Variants in PAH observed in about 807,000 individuals in gnomAD.
PAH encodes the protein phenylalanine-4-hydroxylase.
A neutral mutation model predicts 62.0 loss-of-function variants in PAH; 64 were observed. The observed-to-expected ratio is 1.03, with a 90% CI of 0.84 to 1.27. The LOEUF is 1.27. Among genes scored for constraint, PAH ranks in the 50% most tolerant of loss-of-function variants. The probability of loss-of-function intolerance (pLI) is 0.00; values close to 1 mark genes in which losing one functional copy is unlikely to be tolerated. For synonymous variants in PAH, 195 were observed against 196.2 expected, an observed-to-expected ratio of 0.99 and a Z score of 0.05; for missense variants, 579 against 542.8, an observed-to-expected ratio of 1.07 and a Z score of -0.66.
chr12:102,949,952 T>A (rs1879675266), intron 1 of PAH, among the ~76,000 whole-genome samples: 1 of 152,362 alleles, frequency 6.6e-6, no homozygotes, highest in East Asian at 1.9e-4. Flanking sequence ...GTTTCATAGT[T>A]ATTTGATGAA....
rs199475650 is a variant in PAH at position 102,846,924 on chromosome 12, G to T, written c.940C>A (p.Pro314Thr). The change falls in exon 9 of 13, where the codon CCT becomes ACT. Residue 314 changes from proline (P) to threonine (T), a missense_variant. Pro to Thr is a conservative substitution (Grantham distance 38, BLOSUM62 -1). Transcript: ENST00000553106. ...GCGAGCTTTTCAATGTATTCATCAG[G>T]TGCACCCAGAGAGGCAAGGCCAATT... ...QEIGLASLGA[P>T]DEYIEKLATI... 3.7e-6 allele frequency: 6 copies of T among 1,613,708 alleles called. No individual in the cohort carries two copies. In the East Asian group the frequency reaches 1.3e-4, roughly 36 times the overall value.
intron 9 of PAH, among the ~76,000 whole-genome samples, chr12:102,844,817 T>A (rs1874764732): frequency 6.6e-6 from 1 of 152,164 alleles, no homozygotes; most frequent in Admixed American, 6.5e-5. Flanking sequence ...AGGCCTTTGG[T>A]CTCAGACTGA....
chr12:102,909,074 C>T (rs1878099378), intron 2 of PAH, among the ~76,000 whole-genome samples: 2 of 152,160 alleles, frequency 1.3e-5, no homozygotes, highest in South Asian at 2.1e-4. Flanking sequence ...GTGATACTCC[C>T]GCCTCAGCCT....
At chr12:102,842,745 A>T (rs1874646566) in intron 11 of PAH, among the ~76,000 whole-genome samples, 4 of 152,072 alleles carry the variant, frequency 2.6e-5, no homozygotes, top group Non-Finnish European at 5.9e-5. Context: ...TTCTTTGAGA[A>T]GTCATTTATT....
At chr12:102,895,554 A>G (rs867772326) in intron 2 of PAH, among the ~76,000 whole-genome samples, 2 of 152,064 alleles carry the variant, frequency 1.3e-5, no homozygotes, top group African/African-American at 4.8e-5. Flanking sequence ...TACCACTAAT[A>G]TATTTATATA....
At chr12:102,882,952 T>G (rs370005303) in intron 3 of PAH, among the ~76,000 whole-genome samples, 1 of 151,926 alleles carries the variant, frequency 6.6e-6, no homozygotes, top group Non-Finnish European at 1.5e-5. Flanking sequence ...AAGATTTTAA[T>G]GATGATGATT....
chr12:102,851,986 G>A (rs1332481145), intron 7 of PAH: 3 of 527,702 alleles, frequency 5.7e-6, no homozygotes, highest in East Asian at 3.4e-5. Context: ...GTAGGGCACA[G>A]CAGCCAAGGG....
chr12:102,897,280 A>C (rs768249604), intron 2 of PAH, among the ~76,000 whole-genome samples: 3 of 149,084 alleles, frequency 2.0e-5, no homozygotes, highest in Non-Finnish European at 4.5e-5. Context: ...ACAGCAAATA[A>C]CTCATTGTTC....
chr12:102,871,885 G>GCAC (rs1437180158), intron 4 of PAH, among the ~76,000 whole-genome samples: 1 of 143,546 alleles, frequency 7.0e-6, no homozygotes, highest in African/African-American at 2.7e-5. Flanking sequence ...TCATGCCATT[G>GCAC]CACTCCAGCC....
chr12:102,877,330 T>C, intron 4 of PAH, 132 bp downstream of exon 4: 1 of 785,630 alleles, frequency 1.3e-6, no homozygotes, highest in Non-Finnish European at 2.3e-6. Context: ...AGCCCTCGTG[T>C]AAATAGGAAC....
At position 102,843,710 on chromosome 12, in the gene PAH, C is replaced by G. The variant is rs772630527; in HGVS notation, c.1135G>C (p.Val379Leu). 3.1e-6 allele frequency: 5 copies of G among 1,613,704 alleles called. No individual in the cohort carries two copies. The highest frequency in any genetic ancestry group is 4.2e-6 in the Non-Finnish European group (5 of 1,179,714). The change falls in exon 11 of 13, where the codon GTC becomes CTC. Residue 379 changes from valine to leucine, a missense_variant. By Grantham distance (32) the Val-to-Leu change is conservative. Transcript: ENST00000553106. ...TAATAGAGGGGCTGGAACTCCGTGACAGTGTAATTTTGGATGGCTGTCTTC... is the reference window on the plus strand; with the variant it reads ...TAATAGAGGGGCTGGAACTCCGTGAGAGTGTAATTTTGGATGGCTGTCTTC... ...LEKTAIQNYT[V>L]TEFQPLYYVA...
intron 1 of PAH, among the ~76,000 whole-genome samples, chr12:102,937,942 A>G (rs1001119875): frequency 6.6e-6 from 1 of 152,230 alleles, no homozygotes; most frequent in Non-Finnish European, 1.5e-5. Flanking sequence ...GGCTGGATAT[A>G]CTACTCTAGG....
At chr12:102,928,169 G>A (rs564671878) in intron 1 of PAH, among the ~76,000 whole-genome samples, 1 of 152,248 alleles carries the variant, frequency 6.6e-6, no homozygotes, top group South Asian at 2.1e-4. Flanking sequence ...TTTAATATAT[G>A]TGGGTACATA....
At chr12:102,887,438 G>A (rs2136692220) in intron 3 of PAH, among the ~76,000 whole-genome samples, 1 of 152,154 alleles carries the variant, frequency 6.6e-6, no homozygotes, top group Non-Finnish European at 1.5e-5. Flanking sequence ...TGCTAGGTAA[G>A]CCTGGCTTCA....
intron 9 of PAH, among the ~76,000 whole-genome samples, chr12:102,846,362 T>A (rs1592949141): frequency 1.3e-5 from 2 of 152,296 alleles, no homozygotes; most frequent in Middle Eastern, 6.8e-3. Context: ...TGGGATGTAC[T>A]AAAATTAGAA....
intron 5 of PAH, among the ~76,000 whole-genome samples, chr12:102,855,911 A>C (rs954211517): frequency 2.0e-5 from 3 of 152,102 alleles, no homozygotes; most frequent in East Asian, 1.9e-4. Context: ...GCTCCTGGGA[A>C]GTTATAAAGG....
chr12:102,951,197 C>A (rs1233881831), upstream of PAH, among the ~76,000 whole-genome samples: 1 of 152,158 alleles, frequency 6.6e-6, no homozygotes, highest in Non-Finnish European at 1.5e-5. Flanking sequence ...TATGCCGTCA[C>A]GGGGCGGATT....
chr12:102,849,210 G>C lies in PAH; in HGVS notation c.913-2259C>G, dbSNP rs148323820. Among the ~76,000 whole-genome samples, 395 of 152,326 alleles carry C rather than the reference G, an allele frequency of 2.6e-3. 2 individuals are homozygous for C. The highest frequency in any genetic ancestry group is 8.8e-3 in the African/African-American group (367 of 41,566). On this transcript the variant is annotated intron_variant, in intron 8 of 12. Coordinates refer to ENST00000553106, the MANE Select transcript of PAH (RefSeq NM_000277.3). The stretch of plus-strand genomic sequence containing the variant: ...ATTGGCTGTGGGGTTAAGAGAAAAA[G>C]GAGTTGGTAATGTCCCAAAGTGCTT...
upstream of PAH, chr12:102,917,471 CGTCGATTAGACA>C (rs1201858876): frequency 7.9e-6 from 3 of 378,480 alleles, no homozygotes; most frequent in Non-Finnish European, 1.5e-5. Flanking sequence ...ACCCAAGCCC[CGTCGATTAGACA>C]GGTTTAGGCA....
Sources: allele counts gnomAD v4.1 joint callset (sites outside exome capture counted in the v4.1 genomes callset), GRCh38; gene constraint gnomAD v4.1.1; transcripts MANE v1.5; gene names NCBI Gene and HGNC (gene_info 2026-07-23, HGNC 2026-07-21).